The following PPP1R12B variants were observed in gnomAD, a reference collection of about 807,000 sequenced individuals.
PPP1R12B encodes protein phosphatase 1 regulatory subunit 12B.
Under a neutral mutation model 126.1 loss-of-function variants are expected in PPP1R12B, and 76 were observed. That is an observed-to-expected ratio of 0.60 (90% CI 0.50 to 0.73). The LOEUF (loss-of-function observed/expected upper bound fraction) is 0.73. Ranked by LOEUF, PPP1R12B falls within the 30% of genes least tolerant of loss-of-function variation. PPP1R12B has a pLI of 0.00. For missense variants in PPP1R12B, 1,052 were observed against 1,205.1 expected (o/e 0.87, Z 1.88); for synonymous variants, 356 against 434.7 (o/e 0.82, Z 2.25).
chr1:202,580,235 A>G (rs965113684), intron 23 of PPP1R12B, among the ~76,000 whole-genome samples: 2 of 152,360 alleles, frequency 1.3e-5, no homozygotes, highest in African/African-American at 4.8e-5. Context: ...ATAAGATATT[A>G]CTGCTAAATA....
At chr1:202,450,643 G>A (rs1672813868) in intron 13 of PPP1R12B, among the ~76,000 whole-genome samples, 1 of 152,090 alleles carries the variant, frequency 6.6e-6, no homozygotes, top group South Asian at 2.1e-4. Flanking sequence ...GTATGTTCTT[G>A]GCACCTTTGT....
rs966184491 is a variant in PPP1R12B, at chr1:202,564,453, G to A, written c.2663G>A (p.Ser888Asn). The A allele has an allele frequency of 6.2e-7, 1 of 1,609,162 alleles. No individual in the cohort carries two copies. Among genetic ancestry groups the A allele is most frequent in the Non-Finnish European group, 8.5e-7 (1 of 1,177,044 alleles). ...TTCCCTCTCCTCTAGCTCTATGAGA[G>A]TGCTCTGACTGAAAACCAAAAACTG... Reference protein sequence around the residue: ...SNRDYKKLYESALTENQKLKT... With the variant: ...SNRDYKKLYENALTENQKLKT... The change falls in exon 21 of 24, where the codon AGT (serine) becomes AAT (asparagine). Residue 888 changes from serine (S) to asparagine (N), a missense_variant. Coordinates refer to ENST00000608999, the MANE Select transcript of PPP1R12B (RefSeq NM_002481.4).
chr1:202,571,694 GA>G (rs1031912039), intron 23 of PPP1R12B, among the ~76,000 whole-genome samples: 8 of 152,186 alleles, frequency 5.3e-5, no homozygotes, highest in African/African-American at 1.9e-4. Flanking sequence ...GAGCTCAGGG[GA>G]TCCACCCACC....
chr1:202,447,408 T>A (rs548882597), intron 12 of PPP1R12B, among the ~76,000 whole-genome samples: 66 of 152,340 alleles, frequency 4.3e-4, no homozygotes, highest in African/African-American at 1.5e-3. Context: ...TATTTTATTC[T>A]GGGTACTATT....
At chr1:202,465,500 T>A (rs1162352387) in intron 13 of PPP1R12B, among the ~76,000 whole-genome samples, 1 of 152,214 alleles carries the variant, frequency 6.6e-6, no homozygotes, top group African/African-American at 2.4e-5. Context: ...TTTTTATTTT[T>A]GATTTGAGAA....
At chr1:202,435,191 C>T (rs1255535052) in intron 9 of PPP1R12B, among the ~76,000 whole-genome samples, 4 of 152,302 alleles carry the variant, frequency 2.6e-5, no homozygotes, top group Non-Finnish European at 2.9e-5. Flanking sequence ...AATATAGTCA[C>T]ATTGGGAATT....
chr1:202,466,198 CTATTCAT>C (rs879428840), intron 13 of PPP1R12B, among the ~76,000 whole-genome samples: 1 of 152,160 alleles, frequency 6.6e-6, no homozygotes, highest in Non-Finnish European at 1.5e-5. Flanking sequence ...TCCTGGCCTT[CTATTCAT>C]TGTTCAACAT....
intron 1 of PPP1R12B, among the ~76,000 whole-genome samples, chr1:202,363,390 T>C (rs1222069235): frequency 6.6e-6 from 1 of 152,164 alleles, no homozygotes; most frequent in Non-Finnish European, 1.5e-5. Flanking sequence ...GAGAAAAGGG[T>C]ATTGATCATT....
chr1:202,404,841 C>T (rs919212212), intron 1 of PPP1R12B, among the ~76,000 whole-genome samples: 2 of 152,154 alleles, frequency 1.3e-5, no homozygotes, highest in South Asian at 4.1e-4. Context: ...TGTAGCCCCT[C>T]GACCAAGTTA....
At chr1:202,351,609 C>A (rs943870150) in intron 1 of PPP1R12B, among the ~76,000 whole-genome samples, 1 of 152,180 alleles carries the variant, frequency 6.6e-6, no homozygotes, top group African/African-American at 2.4e-5. Context: ...GGTAGCTGAA[C>A]CACCTACTTT....
intron 14 of PPP1R12B, among the ~76,000 whole-genome samples, chr1:202,490,348 T>G (rs1397026886): frequency 1.3e-5 from 2 of 152,350 alleles, no homozygotes; most frequent in African/African-American, 4.8e-5. Flanking sequence ...TGTTGTCTTC[T>G]TTGACTCTCC....
chr1:202,403,739 A>G (rs1371604985), intron 1 of PPP1R12B, among the ~76,000 whole-genome samples: 2 of 152,258 alleles, frequency 1.3e-5, no homozygotes, highest in African/African-American at 4.8e-5. Context: ...CTTAGGCTTT[A>G]AGAGAAATTA....
Position 202,348,842 on chromosome 1 carries a change from G to A in PPP1R12B, c.-10G>A, listed in dbSNP as rs1239308651. Reference sequence around the variant, plus strand: ...TGGTAGTTTTGGCAGCAGCTGCCGAGGCCGGAGCAATGGCGGAACTGGAGC... The same window carrying A: ...TGGTAGTTTTGGCAGCAGCTGCCGAAGCCGGAGCAATGGCGGAACTGGAGC... On this transcript the variant is annotated 5_prime_UTR_variant, in exon 1 of 24. Coordinates refer to ENST00000608999, the MANE Select transcript of PPP1R12B (RefSeq NM_002481.4). 1 of 1,603,538 alleles carries A rather than the reference G, an allele frequency of 6.2e-7. No homozygotes were observed. The highest frequency in any genetic ancestry group is 8.5e-7 in the Non-Finnish European group (1 of 1,177,068).
intron 1 of PPP1R12B, among the ~76,000 whole-genome samples, chr1:202,401,234 C>T (rs1401634245): frequency 3.3e-5 from 5 of 151,602 alleles, no homozygotes; most frequent in African/African-American, 9.7e-5. Flanking sequence ...CTGGCACCTA[C>T]GCTGGAGTAT....
At chr1:202,550,266 TAA>T (rs1479339858) in intron 18 of PPP1R12B, among the ~76,000 whole-genome samples, 5 of 152,178 alleles carry the variant, frequency 3.3e-5, no homozygotes, top group Admixed American at 1.3e-4. Flanking sequence ...CAAATAAAAA[TAA>T]AGTTACTGCT....
chr1:202,455,158 A>G (rs973056801), intron 13 of PPP1R12B, among the ~76,000 whole-genome samples: 3 of 152,116 alleles, frequency 2.0e-5, no homozygotes, highest in African/African-American at 4.8e-5. Context: ...AGAGAGGTCT[A>G]GGATGAAGCT....
Position 202,540,020 on chromosome 1 carries a change from T to C in PPP1R12B, c.2491-18857T>C, listed in dbSNP as rs539844515. ...TGCTTTTATCCTTTATTTAGTTCTA[T>C]CCAAAGTCATCTTGCATCAACTCAA... On this transcript the variant is annotated intron_variant, in intron 18 of 23. Coordinates refer to ENST00000608999, the MANE Select transcript of PPP1R12B (RefSeq NM_002481.4). The C allele has an allele frequency of 2.2e-6, 3 of 1,371,160 alleles. No homozygotes were observed. The East Asian group carries it at 8.9e-5, about 41-fold the overall frequency. 84.9% of individuals were successfully genotyped at this position (1,371,160 alleles called of 1,614,324 possible). A position where few individuals can be genotyped will look rare whatever the true frequency, so the allele number is the denominator to read the frequency against.
rs189917970 is a variant in PPP1R12B at position 202,437,052 on chromosome 1, C to A, written c.1255-769C>A. 2.0e-3 allele frequency among the ~76,000 whole-genome samples: 310 copies of A among 152,240 alleles called. 1 individual carries two copies. Among genetic ancestry groups the A allele is most frequent in the African/African-American group, 7.1e-3 (294 of 41,532 alleles). ...TGTTTATAAATTAGCTCATTCCTGG[C>A]AGGGCATGGGTTCATGCCTGTAATC... On this transcript the variant is annotated intron_variant, in intron 9 of 23. Transcript: ENST00000608999.
At chr1:202,564,622 G>A (rs1158713065) in intron 21 of PPP1R12B, 75 bp downstream of exon 21, 1 of 1,197,856 alleles carries the variant, frequency 8.3e-7, no homozygotes, top group Non-Finnish European at 1.2e-6. Flanking sequence ...AGGGATCTAA[G>A]GGACAGGAAG....
Sources: gnomAD v4.1 joint callset for allele counts (sites outside exome capture counted in the v4.1 genomes callset) on GRCh38, gnomAD v4.1.1 for gene constraint, MANE v1.5 for transcripts, NCBI Gene and HGNC (gene_info 2026-07-23, HGNC 2026-07-21) for gene names.